SCAI: variants seen among roughly 807,000 people sequenced by gnomAD.
The protein encoded by SCAI is suppressor of cancer cell invasion, also known as protein SCAI.
A neutral mutation model predicts 92.2 loss-of-function variants in SCAI; 24 were observed. The observed-to-expected ratio is 0.26, with a 90% confidence interval of 0.19 to 0.37. The LOEUF is 0.37. SCAI is among the 10% of genes least tolerant of loss of function. The probability of loss-of-function intolerance (pLI) is 1.00; values close to 1 mark genes in which losing one functional copy is unlikely to be tolerated. For missense variants in SCAI, 450 were observed against 736.2 expected (o/e 0.61, Z 4.50); for synonymous variants, 261 against 258.6 (o/e 1.01, Z -0.09).
intron 14 of SCAI, among the ~76,000 whole-genome samples, chr9:124,976,645 G>A (rs550728515): frequency 3.1e-4 from 47 of 152,270 alleles, no homozygotes; most frequent in Admixed American, 5.2e-4. Context: ...ATGTGAATCT[G>A]TGATTTACAG....
chr9:125,128,549 C>G (rs538948123), intron 2 of SCAI, among the ~76,000 whole-genome samples: 1 of 150,568 alleles, frequency 6.6e-6, no homozygotes, highest in Admixed American at 6.6e-5. Flanking sequence ...GTCAGGAGAT[C>G]GAGACCATCC....
intron 2 of SCAI, among the ~76,000 whole-genome samples, chr9:125,104,733 C>A (rs915335843): frequency 4.0e-5 from 6 of 151,880 alleles, no homozygotes; most frequent in Non-Finnish European, 7.4e-5. Flanking sequence ...GAAACTCCAT[C>A]TTTCTCAAAA....
intron 2 of SCAI, among the ~76,000 whole-genome samples, chr9:125,134,042 G>A (rs1835462411): frequency 6.6e-6 from 1 of 152,150 alleles, no homozygotes; most frequent in African/African-American, 2.4e-5. Context: ...CACAGCCCAA[G>A]CTCTTAAAAA....
At chr9:125,069,911 C>T (rs1027551028) in intron 2 of SCAI, among the ~76,000 whole-genome samples, 3 of 152,050 alleles carry the variant, frequency 2.0e-5, no homozygotes. Flanking sequence ...CGTGAGCCAC[C>T]GTGCCCGGCC....
rs1182517544 is a variant in SCAI at position 125,026,894 on chromosome 9, T to C, written c.430A>G (p.Thr144Ala). 1 of 1,600,288 alleles carries C rather than the reference T, an allele frequency of 6.2e-7. No homozygotes were observed. Among genetic ancestry groups the C allele is most frequent in the East Asian group, 2.2e-5 (1 of 44,796 alleles). Residue 144 changes from threonine (T) to alanine (A), a missense_variant, in exon 6 of 18, where the codon ACC (threonine) becomes GCC (alanine). Physicochemically the swap from Thr to Ala is moderately conservative, Grantham distance 58 (BLOSUM62 0). This residue lies in a region of SCAI where 360 missense variants were observed against 601.8 expected (regional missense o/e 0.60). Coordinates refer to ENST00000336505, the MANE Select transcript of SCAI (RefSeq NM_001144877.3). ...GAAAAAGCCTCATTCAGATAGCTGG[T>C]TTCCGATGTGCGTAAGCTATGAGAA... ...YYHYYLRTSE[T>A]SYLNEAFSFY...
chr9:125,114,885 T>C (rs1219802258), intron 2 of SCAI, among the ~76,000 whole-genome samples: 3 of 151,102 alleles, frequency 2.0e-5, no homozygotes, highest in Non-Finnish European at 4.4e-5. Flanking sequence ...GCAATTCTCC[T>C]TCCTCAGCCT....
At chr9:125,113,987 A>T (rs534063539) in intron 2 of SCAI, among the ~76,000 whole-genome samples, 13 of 152,334 alleles carry the variant, frequency 8.5e-5, no homozygotes, top group Non-Finnish European at 1.8e-4. Context: ...TTTTTTAATT[A>T]TCCAAAATTT....
At chr9:125,007,714 G>A (rs1477910634) in intron 9 of SCAI, among the ~76,000 whole-genome samples, 1 of 151,794 alleles carries the variant, frequency 6.6e-6, no homozygotes, top group East Asian at 2.0e-4. Flanking sequence ...GCTGAAGTGT[G>A]TGGCACAATC....
intron 9 of SCAI, among the ~76,000 whole-genome samples, chr9:125,008,354 C>T (rs1266945682): frequency 6.6e-6 from 1 of 152,080 alleles, no homozygotes; most frequent in African/African-American, 2.4e-5. Context: ...CCAGGCTGGT[C>T]TCGGACTCCT....
At chr9:125,043,077 AG>A (rs1833359856) in intron 3 of SCAI, among the ~76,000 whole-genome samples, 1 of 151,786 alleles carries the variant, frequency 6.6e-6, no homozygotes, top group Non-Finnish European at 1.5e-5. Flanking sequence ...CATGTTGGCC[AG>A]GCTGGTCTTG....
intron 2 of SCAI, among the ~76,000 whole-genome samples, chr9:125,123,796 C>G (rs1564423265): frequency 6.6e-6 from 1 of 152,114 alleles, no homozygotes; most frequent in African/African-American, 2.4e-5. Flanking sequence ...AACAAACAAA[C>G]AAACAAAAGT....
At chr9:125,131,417 A>G (rs1835398952) in intron 2 of SCAI, among the ~76,000 whole-genome samples, 1 of 151,456 alleles carries the variant, frequency 6.6e-6, no homozygotes, top group South Asian at 2.1e-4. Flanking sequence ...CAAAAAAAAA[A>G]AAAAAAGAAA....
chr9:125,087,855 A>G (rs1420923052), intron 2 of SCAI, among the ~76,000 whole-genome samples: 2 of 152,176 alleles, frequency 1.3e-5, no homozygotes, highest in Non-Finnish European at 2.9e-5. Context: ...TACAGATTAA[A>G]TGATGTGATA....
chr9:125,079,579 C>T (rs1026610608), intron 2 of SCAI, among the ~76,000 whole-genome samples: 4 of 151,566 alleles, frequency 2.6e-5, no homozygotes, highest in African/African-American at 4.9e-5. Context: ...TATAAAAATG[C>T]CTGGTTTTTT....
Position 124,949,816 on chromosome 9 carries a change from T to A in SCAI, c.*2991A>T, listed in dbSNP as rs1315701519. ...GGATTTTTAAGTCTATTTTGTTTGC[T>A]TCCCCAATGCCCAGAAGAAAATCTG... On this transcript the variant is annotated 3_prime_UTR_variant, in exon 18 of 18. Transcript: ENST00000336505. The surrounding 1 kb of genome is among the most constrained non-coding windows in gnomAD (Gnocchi z 4.0). The A allele has an allele frequency of 6.6e-6, 1 of 152,244 alleles. No individual in the cohort carries two copies. The highest frequency in any genetic ancestry group is 2.4e-5 in the African/African-American group (1 of 41,454). The allele number at this position is 152,244 out of a possible 1,614,324, so 9.4% of individuals were successfully genotyped here.
At chr9:125,116,178 C>T (rs574553481) in intron 2 of SCAI, among the ~76,000 whole-genome samples, 75 of 151,822 alleles carry the variant, frequency 4.9e-4, no homozygotes, top group Non-Finnish European at 8.7e-4. Context: ...GAGAGAGACT[C>T]CATCTCAAAA....
At position 125,004,580 on chromosome 9, in the gene SCAI, C is replaced by T. The variant is rs1373192879; in HGVS notation, c.862-1010G>A. Among the ~76,000 whole-genome samples the T allele has an allele frequency of 2.0e-5, 3 of 150,488 alleles. No individual in the cohort carries two copies. In the Admixed American group the frequency reaches 2.0e-4, roughly 10 times the overall value. On this transcript the variant is annotated intron_variant, in intron 9 of 17. Transcript: ENST00000336505. Reference sequence around the variant, plus strand: ...CTGACCTCAAGTCATCTGCCCACCTCAGCCTCCCAAAGTGCTAGGAATACA... The same window carrying T: ...CTGACCTCAAGTCATCTGCCCACCTTAGCCTCCCAAAGTGCTAGGAATACA...
Position 124,942,778 on chromosome 9 carries a change from T to C in SCAI, c.*10029A>G, listed in dbSNP as rs1831078499. ...ATACACTGACAACAAAAATCAAATA[T>C]TCTCTAATCTCGTTATTCAATAAAC... On this transcript the variant is annotated 3_prime_UTR_variant, in exon 18 of 18. Coordinates refer to ENST00000336505, the MANE Select transcript of SCAI (RefSeq NM_001144877.3). 1 of 152,326 alleles carries C rather than the reference T, an allele frequency of 6.6e-6. No individual in the cohort carries two copies. The highest frequency in any genetic ancestry group is 2.1e-4 in the South Asian group (1 of 4,826). The allele number at this position is 152,326 out of a possible 1,614,324, so 9.4% of individuals were successfully genotyped here. A position where few individuals can be genotyped will look rare whatever the true frequency, so the allele number is the denominator to read the frequency against.
At chr9:124,996,152 G>A (rs937471255) in intron 13 of SCAI, among the ~76,000 whole-genome samples, 2 of 120,562 alleles carry the variant, frequency 1.7e-5, no homozygotes, top group Middle Eastern at 6.2e-3. Flanking sequence ...TGATTACCAC[G>A]ATCAAATTAA....
Sources: allele counts gnomAD v4.1 joint callset (sites outside exome capture counted in the v4.1 genomes callset), GRCh38; gene constraint gnomAD v4.1.1; regional missense constraint gnomAD v4.1.1; non-coding constraint Gnocchi (gnomAD v3.1); transcripts MANE v1.5; gene names NCBI Gene and HGNC (gene_info 2026-07-23, HGNC 2026-07-21).